Variants in SORD observed in about 807,000 individuals in gnomAD.
SORD encodes sorbitol dehydrogenase.
A neutral mutation model predicts 35.6 loss-of-function variants in SORD; 18 were observed. The ratio of observed to expected loss-of-function variants is 0.51; its 90% CI spans 0.35 to 0.75. The LOEUF (loss-of-function observed/expected upper bound fraction) is 0.75. SORD is among the 30% of genes least tolerant of loss of function. SORD has a pLI of 0.01. For synonymous variants in SORD, 106 were observed against 152.9 expected, an observed-to-expected ratio of 0.69 and a Z score of 2.26; for missense variants, 250 against 390.2, an observed-to-expected ratio of 0.64 and a Z score of 3.03.
chr15:45,056,542 G>A (rs1006087528), intron 3 of SORD, among the ~76,000 whole-genome samples: 1 of 152,264 alleles, frequency 6.6e-6, no homozygotes, highest in African/African-American at 2.4e-5. Context: ...AATCAATATC[G>A]TGAAAATGGC....
chr15:45,031,002 G>A (rs1038573063), intron 1 of SORD, among the ~76,000 whole-genome samples: 2 of 152,252 alleles, frequency 1.3e-5, no homozygotes, highest in African/African-American at 4.8e-5. Context: ...CAACGATCAT[G>A]CAAATATATT....
intron 3 of SORD, among the ~76,000 whole-genome samples, chr15:45,053,690 A>G (rs930583109): frequency 2.0e-5 from 3 of 151,058 alleles, no homozygotes; most frequent in Non-Finnish European, 4.4e-5. Context: ...CATGTGCACA[A>G]TGTGCAGGTT....
chr15:45,041,889 A>G (rs766920595), intron 2 of SORD: 4 of 152,154 alleles, frequency 2.6e-5, no homozygotes, highest in African/African-American at 9.7e-5. Context: ...CTCACTACCA[A>G]TTGCTACTTC....
At chr15:45,028,337 C>G (rs116699837) in intron 1 of SORD, among the ~76,000 whole-genome samples, 25,848 of 140,362 alleles carry the variant, frequency 0.18, no homozygotes, top group African/African-American at 0.44. Context: ...AAAACAAAAA[C>G]AAACAAAAAA....
At chr15:45,040,244 C>T (rs1259088614) in intron 1 of SORD, among the ~76,000 whole-genome samples, 164 bp from the exon 2 acceptor site, 3 of 151,854 alleles carry the variant, frequency 2.0e-5, no homozygotes, top group African/African-American at 4.9e-5. Flanking sequence ...TGCCATTTAG[C>T]GTATCCCCTC....
At chr15:45,054,049 G>C (rs1204965016) in intron 3 of SORD, among the ~76,000 whole-genome samples, 1 of 148,756 alleles carries the variant, frequency 6.7e-6, no homozygotes, top group African/African-American at 2.5e-5. Context: ...TATCATTGTT[G>C]GACATTTGGG....
chr15:45,062,385 C>T (rs1282313537), intron 4 of SORD, among the ~76,000 whole-genome samples: 1 of 152,224 alleles, frequency 6.6e-6, no homozygotes, highest in Non-Finnish European at 1.5e-5. Flanking sequence ...CCCCCATGGC[C>T]CCAGCCGTGG....
intron 5 of SORD, among the ~76,000 whole-genome samples, chr15:45,066,925 C>A (rs1385346890): frequency 1.3e-5 from 2 of 152,176 alleles, no homozygotes; most frequent in Admixed American, 1.3e-4. Context: ...TGCCTTGCCC[C>A]CAACACACAC....
intron 1 of SORD, among the ~76,000 whole-genome samples, chr15:45,032,741 T>C (rs1314550201): frequency 6.6e-6 from 1 of 152,188 alleles, no homozygotes; most frequent in Non-Finnish European, 1.5e-5. Context: ...GAGGAAATTC[T>C]ACCTCCTACT....
chr15:45,031,364 T>C (rs1892783699), intron 1 of SORD, among the ~76,000 whole-genome samples: 1 of 150,130 alleles, frequency 6.7e-6, no homozygotes, highest in Admixed American at 6.6e-5. Context: ...CCGTGGCAAG[T>C]AGCTCCAGAG....
At chr15:45,064,495 G>A (rs552142717) in intron 4 of SORD, among the ~76,000 whole-genome samples, 1 of 152,164 alleles carries the variant, frequency 6.6e-6, no homozygotes, top group African/African-American at 2.4e-5. Context: ...TTATTGATAG[G>A]GTCAAGATAC....
intron 1 of SORD, among the ~76,000 whole-genome samples, chr15:45,031,035 G>C (rs181148270): frequency 1.3e-5 from 2 of 152,344 alleles, no homozygotes; most frequent in East Asian, 3.9e-4. Context: ...GCAGTGATAG[G>C]GGAGGTCGGG....
At chr15:45,029,346 G>C (rs993888362) in intron 1 of SORD, among the ~76,000 whole-genome samples, 2 of 142,810 alleles carry the variant, frequency 1.4e-5, no homozygotes, top group Non-Finnish European at 3.0e-5. Context: ...AGTGATGCAA[G>C]CTTTTTCTTG....
chr15:45,041,513 A>G (rs536005351), intron 2 of SORD, among the ~76,000 whole-genome samples: 1 of 152,284 alleles, frequency 6.6e-6, no homozygotes, highest in East Asian at 1.9e-4. Flanking sequence ...TGGTAGATCC[A>G]CAGCTTTGCT....
chr15:45,042,654 A>T (rs189297519), intron 2 of SORD, among the ~76,000 whole-genome samples: 11 of 152,320 alleles, frequency 7.2e-5, no homozygotes, highest in African/African-American at 2.6e-4. Context: ...TAGCATATTA[A>T]TTGTCTGGAA....
chr15:45,042,527 T>TAAAGAAAGAAAG (rs1555409497), intron 2 of SORD: 175 of 145,618 alleles, frequency 1.2e-3, no homozygotes, highest in African/African-American at 4.1e-3. Context: ...AATAAATAAA[T>TAAAGAAAGAAAG]AAAGGAAAGA....
At chr15:45,040,208 G>T (rs533025945) in intron 1 of SORD, among the ~76,000 whole-genome samples, 200 bp from the exon 2 acceptor site, 1 of 152,008 alleles carries the variant, frequency 6.6e-6, no homozygotes, top group African/African-American at 2.4e-5. Context: ...GAAAAGTGAC[G>T]AAGGGCTAGG....
At chr15:45,046,708 G>A (rs566253746) in intron 3 of SORD, among the ~76,000 whole-genome samples, 19 of 152,166 alleles carry the variant, frequency 1.2e-4, no homozygotes, top group African/African-American at 4.1e-4. Flanking sequence ...TTCCTAATGC[G>A]CATTTACAGA....
intron 1 of SORD, among the ~76,000 whole-genome samples, chr15:45,036,545 T>A (rs1458053675): frequency 2.0e-5 from 3 of 151,868 alleles, no homozygotes; most frequent in African/African-American, 7.3e-5. Context: ...TAAAAAAAAA[T>A]TAGCCACGCA....
Sources: allele counts gnomAD v4.1 joint callset (sites outside exome capture counted in the v4.1 genomes callset), GRCh38; gene constraint gnomAD v4.1.1; transcripts MANE v1.5; gene names NCBI Gene and HGNC (gene_info 2026-07-23, HGNC 2026-07-21).